The following UGT3A1 variants were observed in gnomAD, a reference collection of about 807,000 sequenced individuals.
The protein encoded by UGT3A1 is UDP-glycosyltransferase 3A1.
UGT3A1 carries 40 observed loss-of-function variants against 37.6 expected under a neutral mutation model. That is an observed-to-expected ratio of 1.06 (90% confidence interval 0.83 to 1.38). The LOEUF (loss-of-function observed/expected upper bound fraction) is 1.38. Among genes scored for constraint, UGT3A1 ranks in the 40% most tolerant of loss-of-function variants. The pLI, the probability that UGT3A1 is intolerant of heterozygous loss-of-function variation, is 0.00. For missense variants in UGT3A1, 642 were observed against 634.2 expected, an observed-to-expected ratio of 1.01 and a Z score of -0.13; for synonymous variants, 256 against 232.3, an observed-to-expected ratio of 1.10 and a Z score of -0.93.
At chr5:35,990,839 C>T (rs1740916040) in intron 1 of UGT3A1, 2 of 991,852 alleles carry the variant, frequency 2.0e-6, no homozygotes, top group Admixed American at 7.2e-5. Flanking sequence ...GAGAAGGCAG[C>T]CCAGGAACTC....
intron 2 of UGT3A1, among the ~76,000 whole-genome samples, chr5:35,973,755 T>C (rs1164651195): frequency 6.6e-6 from 1 of 152,132 alleles, no homozygotes; most frequent in East Asian, 1.9e-4. Context: ...TGAAGTGAGA[T>C]TCCCTAAATA....
intron 4 of UGT3A1, among the ~76,000 whole-genome samples, chr5:35,958,981 G>A (rs1250690942): frequency 2.6e-5 from 4 of 152,222 alleles, no homozygotes; most frequent in African/African-American, 9.7e-5. Context: ...AAGGGATACT[G>A]CAGACCTATG....
chr5:36,000,015 G>A (rs573422313), intron 1 of UGT3A1, among the ~76,000 whole-genome samples: 1 of 152,266 alleles, frequency 6.6e-6, no homozygotes, highest in East Asian at 1.9e-4. Context: ...CAAAATATTT[G>A]TAAAATTCAG....
chr5:35,993,783 G>C (rs1388476825), upstream of UGT3A1, among the ~76,000 whole-genome samples: 1 of 152,064 alleles, frequency 6.6e-6, no homozygotes, highest in East Asian at 1.9e-4. Context: ...GTTCCGGCTT[G>C]GGCACCTTAT....
At chr5:35,983,479 C>T (rs1600184) in intron 2 of UGT3A1, among the ~76,000 whole-genome samples, 77,874 of 151,820 alleles carry the variant, frequency 0.51, 22,779 homozygotes, top group Non-Finnish European at 0.66. Context: ...ATCCAAATAA[C>T]GAAACCAATT....
chr5:35,955,688 C>T lies in UGT3A1; in HGVS notation c.1252G>A (p.Asp418Asn), dbSNP rs147780586. The stretch of plus-strand genomic sequence containing the variant: ...TGTTTCATTGTAAGTGTCAGTGTGT[C>T]GGCTGTGACCTGATTCAACCGGATA... ...VSIRLNQVTA[D>N]TLTLTMKQVI... Residue 418 changes from aspartate to asparagine, a missense_variant, in exon 6 of 7, where the codon GAC becomes AAC. Physicochemically the swap from Asp to Asn is conservative, Grantham distance 23. Coordinates refer to ENST00000274278, the MANE Select transcript of UGT3A1 (RefSeq NM_152404.4). 20 of 1,614,048 alleles carry T rather than the reference C, an allele frequency of 1.2e-5. No homozygotes were observed. In the African/African-American group the frequency reaches 1.3e-4, roughly 11 times the overall value.
intron 1 of UGT3A1, 22 bp from the exon 2 acceptor site, chr5:35,988,573 T>G (rs762968001): frequency 4.0e-5 from 62 of 1,562,456 alleles, no homozygotes; most frequent in Non-Finnish European, 5.4e-5. Context: ...GCACAATGTC[T>G]TTTGTAAAGA....
chr5:35,957,375 G>C lies in UGT3A1; in HGVS notation c.888C>G (p.Val296=), dbSNP rs759274906. ...TCAACATGGAGCCAAAGGCCACAAGGACAAACCCTGCATCCCCAAAGTTGG... is the reference window on the plus strand; with the variant it reads ...TCAACATGGAGCCAAAGGCCACAAGCACAAACCCTGCATCCCCAAAGTTGG... ...FIANFGDAGF[V]LVAFGSMLNT... The change falls in exon 5 of 7, where the codon GTC becomes GTG. Residue 296 remains valine, a synonymous_variant. Transcript: ENST00000274278. The C allele has an allele frequency of 6.2e-7, 1 of 1,614,164 alleles. No homozygotes were observed. The highest frequency in any genetic ancestry group is 8.5e-7 in the Non-Finnish European group (1 of 1,180,024).
intron 4 of UGT3A1, among the ~76,000 whole-genome samples, chr5:35,963,644 C>T (rs534969704): frequency 1.6e-4 from 24 of 152,336 alleles, no homozygotes; most frequent in African/African-American, 5.3e-4. Flanking sequence ...TTATAGCCTT[C>T]CCCCGGTTCA....
At chr5:35,973,075 T>C (rs1038425806) in intron 2 of UGT3A1, among the ~76,000 whole-genome samples, 3 of 152,306 alleles carry the variant, frequency 2.0e-5, no homozygotes, top group African/African-American at 4.8e-5. Flanking sequence ...GCAGATCCTA[T>C]GAATCTGGGG....
chr5:35,965,875 C>T lies in UGT3A1; in HGVS notation c.354G>A (p.Gly118=). The T allele has an allele frequency of 6.3e-7, 1 of 1,588,832 alleles. No individual in the cohort carries two copies. Among genetic ancestry groups the T allele is most frequent in the Admixed American group, 1.8e-5 (1 of 55,452 alleles). Residue 118 remains glycine, a synonymous_variant, in exon 4 of 7, where the codon GGG becomes GGA. Transcript: ENST00000274278. ...EALVKLMEIF[G]TQCSYLLSRK... is the part of the protein sequence containing the mutation. ...TGCTTAGCAAATAACTACATTGAGTCCCAAATATTTCCATTAGCTTTACAA... is the reference window on the plus strand; with the variant it reads ...TGCTTAGCAAATAACTACATTGAGTTCCAAATATTTCCATTAGCTTTACAA...
At chr5:35,983,732 G>A (rs1283742323) in intron 2 of UGT3A1, among the ~76,000 whole-genome samples, 1 of 152,162 alleles carries the variant, frequency 6.6e-6, no homozygotes, top group African/African-American at 2.4e-5. Flanking sequence ...AGGGATGCAA[G>A]AGTAGTTCAA....
intron 2 of UGT3A1, among the ~76,000 whole-genome samples, chr5:35,980,410 G>A (rs374176659): frequency 1.1e-4 from 16 of 152,290 alleles, no homozygotes; most frequent in African/African-American, 3.8e-4. Context: ...GAGGAGAATG[G>A]ATTCAGATTT....
In UGT3A1 at chr5:35,965,812, A is replaced by C; in HGVS notation, c.417T>G (p.Tyr139Ter). 1 of 1,614,068 alleles carries C rather than the reference A, an allele frequency of 6.2e-7. No homozygotes were observed. The highest frequency in any genetic ancestry group is 8.5e-7 in the Non-Finnish European group (1 of 1,179,916). ...CAAATGCTTCAACAAATACCAGATC[A>C]TAGTTCTCATTCTTTAAGGAATCCA... ...DIMDSLKNEN[Y>*]DLVFVEAFDF... is the part of the protein sequence containing the mutation. The change falls in exon 4 of 7, where the codon TAT becomes TAG. Residue 139 changes from tyrosine (Y) to a stop codon, truncating the protein, a stop_gained. Transcript: ENST00000274278. LOFTEE classifies it high-confidence loss of function.
At chr5:35,985,577 A>G (rs1335630761) in intron 2 of UGT3A1, among the ~76,000 whole-genome samples, 1 of 152,202 alleles carries the variant, frequency 6.6e-6, no homozygotes, top group African/African-American at 2.4e-5. Context: ...TATCTTCAAC[A>G]AAGAGGCCAA....
intron 2 of UGT3A1, among the ~76,000 whole-genome samples, chr5:35,977,583 C>T (rs1740342423): frequency 6.6e-6 from 1 of 152,186 alleles, no homozygotes; most frequent in African/African-American, 2.4e-5. Flanking sequence ...GACTAGCCAG[C>T]TCCCCCTTTG....
intron 2 of UGT3A1, among the ~76,000 whole-genome samples, chr5:35,981,600 G>A (rs1740525353): frequency 6.6e-6 from 1 of 152,202 alleles, no homozygotes; most frequent in Non-Finnish European, 1.5e-5. Context: ...TGGTCTGGCT[G>A]CTTCTAAAAG....
At position 35,965,558 on chromosome 5, in the gene UGT3A1, GTGT is replaced by G. The variant is rs1739767791; in HGVS notation, c.668_670del (p.Asn223del). ...GCCTTCTGGGAAATGCTCCTTGATG[GTGT>G]TGTCAAATGTAGACTGCATGTCCCA... On this transcript the variant is annotated inframe_deletion, in exon 4 of 7. Coordinates refer to ENST00000274278, the MANE Select transcript of UGT3A1 (RefSeq NM_152404.4). The G allele has an allele frequency of 2.5e-6, 4 of 1,614,178 alleles. No individual in the cohort carries two copies. In the East Asian group the frequency reaches 8.9e-5, roughly 36 times the overall value.
At chr5:35,992,145 T>C (rs975796221), upstream of UGT3A1, among the ~76,000 whole-genome samples, 1 of 152,200 alleles carries the variant, frequency 6.6e-6, no homozygotes, top group Non-Finnish European at 1.5e-5. Flanking sequence ...TTCAATGGAT[T>C]ATATCTACCG....
Sources: gnomAD v4.1 joint callset for allele counts (sites outside exome capture counted in the v4.1 genomes callset) on GRCh38, gnomAD v4.1.1 for gene constraint, MANE v1.5 for transcripts, NCBI Gene and HGNC (gene_info 2026-07-23, HGNC 2026-07-21) for gene names.